Variants in KCND3 observed in about 807,000 individuals in gnomAD.
KCND3 encodes the protein A-type voltage-gated potassium channel KCND3.
A neutral mutation model predicts 51.1 loss-of-function variants in KCND3; 9 were observed. That is an observed-to-expected ratio of 0.18 (90% CI 0.11 to 0.31). The LOEUF (loss-of-function observed/expected upper bound fraction) is 0.31. Among genes scored for constraint, KCND3 ranks in the 10% least tolerant of loss-of-function variants. The probability of loss-of-function intolerance (pLI) is 1.00; values close to 1 mark genes in which losing one functional copy is unlikely to be tolerated. For missense variants in KCND3, 526 were observed against 903.8 expected, an observed-to-expected ratio of 0.58 and a Z score of 5.36; for synonymous variants, 349 against 368.0, an observed-to-expected ratio of 0.95 and a Z score of 0.59.
intron 2 of KCND3, among the ~76,000 whole-genome samples, chr1:111,902,036 C>T (rs1670410200): frequency 6.6e-6 from 1 of 152,174 alleles, no homozygotes; most frequent in African/African-American, 2.4e-5. Flanking sequence ...TACTAAAGCA[C>T]AAAAATGCTT....
chr1:111,933,869 G>C (rs1331229151), intron 2 of KCND3, among the ~76,000 whole-genome samples: 1 of 152,192 alleles, frequency 6.6e-6, no homozygotes, highest in Non-Finnish European at 1.5e-5. Flanking sequence ...CTGGATTAAA[G>C]TACTTGATCT....
chr1:111,805,787 C>T (rs533545312), intron 2 of KCND3, among the ~76,000 whole-genome samples: 20 of 152,298 alleles, frequency 1.3e-4, no homozygotes, highest in Admixed American at 9.8e-4. Flanking sequence ...AAATTCCCCG[C>T]GGCTGCAGAG....
chr1:111,924,222 T>C (rs1671597922), intron 2 of KCND3, among the ~76,000 whole-genome samples: 1 of 152,258 alleles, frequency 6.6e-6, no homozygotes, highest in African/African-American at 2.4e-5. Flanking sequence ...GCAGCCTCTC[T>C]CTGAAGAGTT....
chr1:111,924,867 C>G (rs1479629610), intron 2 of KCND3, among the ~76,000 whole-genome samples: 1 of 152,222 alleles, frequency 6.6e-6, no homozygotes, highest in African/African-American at 2.4e-5. Flanking sequence ...CTGTCTCCTA[C>G]CTGGGAGGGA....
Position 111,844,409 on chromosome 1 carries a change from A to G in KCND3, c.1107-57303T>C, listed in dbSNP as rs1667459926. Among the ~76,000 whole-genome samples, 4 of 152,014 alleles carry G rather than the reference A, an allele frequency of 2.6e-5. No individual in the cohort carries two copies. In the East Asian group the frequency reaches 7.7e-4, roughly 29 times the overall value. On this transcript the variant is annotated intron_variant, in intron 2 of 7. Transcript: ENST00000302127. ...ATATACAAAGAAGGTACACACGTCT[A>G]TCCTCTTTTTGGTCTCTGTCATTTT... is the stretch of plus-strand genomic sequence containing the variant.
At chr1:111,808,542 T>C (rs1361154648) in intron 2 of KCND3, among the ~76,000 whole-genome samples, 1 of 152,242 alleles carries the variant, frequency 6.6e-6, no homozygotes, top group Non-Finnish European at 1.5e-5. Flanking sequence ...TATGGTCTGC[T>C]TCTTGACCCT....
rs774711788 is a variant in KCND3, at chr1:111,776,085, C to T, written c.1960G>A (p.Ala654Thr). The part of the protein sequence containing the change: ...SIASNVVKVS[A>T]L The stretch of plus-strand genomic sequence containing the variant: ...CCCTCTGTCCAGTGGTTTTACAAGG[C>T]GGAGACCTTGACAACATTGCTGGCT... Residue 654 changes from alanine to threonine, a missense_variant, in exon 8 of 8, where the codon GCC (alanine) becomes ACC (threonine). Coordinates refer to ENST00000302127, the MANE Select transcript of KCND3 (RefSeq NM_001378969.1). 8.1e-6 allele frequency: 13 copies of T among 1,614,042 alleles called. No homozygotes were observed. The highest frequency in any genetic ancestry group is 6.7e-5 in the East Asian group (3 of 44,904).
chr1:111,837,303 CCTGATGCTACTCT>C (rs1014426195), intron 2 of KCND3, among the ~76,000 whole-genome samples: 8 of 152,116 alleles, frequency 5.3e-5, no homozygotes, highest in African/African-American at 1.9e-4. Flanking sequence ...CATTCCCACA[CCTGATGCTACTCT>C]CTGAGATACC....
chr1:111,820,251 C>T (rs920896589), intron 2 of KCND3, among the ~76,000 whole-genome samples: 3 of 152,194 alleles, frequency 2.0e-5, no homozygotes, highest in Non-Finnish European at 1.5e-5. Flanking sequence ...GAATTCCCCC[C>T]TGCTGGTTCT....
At chr1:111,964,480 C>T in intron 2 of KCND3, among the ~76,000 whole-genome samples, 1 of 151,996 alleles carries the variant, frequency 6.6e-6, no homozygotes, top group East Asian at 1.9e-4. Flanking sequence ...GGCAGCAGAG[C>T]CCTGGTCAGT....
intron 2 of KCND3, among the ~76,000 whole-genome samples, chr1:111,850,636 G>T (rs899842581): frequency 6.6e-6 from 1 of 152,190 alleles, no homozygotes; most frequent in African/African-American, 2.4e-5. Context: ...AGCCCGCAGG[G>T]GATTCTGACA....
chr1:111,974,610 C>T (rs1290550292), intron 2 of KCND3, among the ~76,000 whole-genome samples: 3 of 152,112 alleles, frequency 2.0e-5, no homozygotes, highest in Non-Finnish European at 4.4e-5. Context: ...ACAGGAGCTC[C>T]CTCCTGGGTG....
At chr1:111,950,393 T>G (rs1673001953) in intron 2 of KCND3, among the ~76,000 whole-genome samples, 1 of 152,222 alleles carries the variant, frequency 6.6e-6, no homozygotes, top group African/African-American at 2.4e-5. Context: ...GGTAGCACTT[T>G]TGCCCTGCCC....
At chr1:111,892,109 T>C (rs559242156) in intron 2 of KCND3, among the ~76,000 whole-genome samples, 1 of 152,288 alleles carries the variant, frequency 6.6e-6, no homozygotes, top group African/African-American at 2.4e-5. Context: ...AGGGAAAAGC[T>C]TCCTAGAGAA....
chr1:111,901,865 G>A lies in KCND3; in HGVS notation c.1106+79756C>T, dbSNP rs1019244911. ...CACCCCAAGGTTCCCAGGAATCTTG[G>A]AGCATCAGCTCTGACCAGAGGGGAA... On this transcript the variant is annotated intron_variant, in intron 2 of 7. Transcript: ENST00000302127. 2.6e-5 allele frequency among the ~76,000 whole-genome samples: 4 copies of A among 152,224 alleles called. No individual in the cohort carries two copies. The East Asian group carries it at 5.8e-4, about 22-fold the overall frequency.
At chr1:111,915,322 T>C (rs1208623228) in intron 2 of KCND3, among the ~76,000 whole-genome samples, 1 of 152,060 alleles carries the variant, frequency 6.6e-6, no homozygotes, top group Non-Finnish European at 1.5e-5. Context: ...AAAGCAGAGA[T>C]AATCACATTG....
rs370125140 is a variant in KCND3, at chr1:111,988,279, G to A, written c.-73+1226C>T. On this transcript the variant is annotated intron_variant, in intron 1 of 7. Transcript: ENST00000302127. ...GAAACTGACAAGGTGAACCAAGCTG[G>A]GGATCCTTGGGGGACAGGCTTGGGA... Among the ~76,000 whole-genome samples, 4 of 152,218 alleles carry A rather than the reference G, an allele frequency of 2.6e-5. No individual in the cohort carries two copies. In the South Asian group the frequency reaches 8.3e-4, roughly 32 times the overall value.
intron 2 of KCND3, among the ~76,000 whole-genome samples, chr1:111,879,823 G>A (rs1034074436): frequency 2.7e-4 from 41 of 152,324 alleles, no homozygotes; most frequent in African/African-American, 8.7e-4. Context: ...ATGCAGACTT[G>A]AGTAGGTGCA....
At chr1:111,790,161 A>G (rs1403478255) in intron 2 of KCND3, among the ~76,000 whole-genome samples, 3 of 152,228 alleles carry the variant, frequency 2.0e-5, no homozygotes, top group Admixed American at 6.5e-5. Flanking sequence ...AAGAGAGGAC[A>G]CTGGAGTCCA....
Sources: gnomAD v4.1 joint callset for allele counts (sites outside exome capture counted in the v4.1 genomes callset) on GRCh38, gnomAD v4.1.1 for gene constraint, MANE v1.5 for transcripts, NCBI Gene and HGNC (gene_info 2026-07-23, HGNC 2026-07-21) for gene names.